The following ACIN1 variants were observed in gnomAD, a reference collection of about 807,000 sequenced individuals.
ACIN1 encodes apoptotic chromatin condensation inducer in the nucleus.
Under a neutral mutation model 146.6 loss-of-function variants are expected in ACIN1, and 16 were observed. The observed-to-expected ratio is 0.11, with a 90% CI of 0.07 to 0.17. ACIN1 has a LOEUF of 0.17. Among genes scored for constraint, ACIN1 ranks in the 10% least tolerant of loss-of-function variants. The pLI, the probability that ACIN1 is intolerant of heterozygous loss-of-function variation, is 1.00. For synonymous variants in ACIN1, 569 were observed against 582.7 expected (o/e 0.98, Z 0.34); for missense variants, 1,357 against 1,609.3 (o/e 0.84, Z 2.68).
At position 23,080,450 on chromosome 14, in the gene ACIN1, G is replaced by A. The variant is rs772098332; in HGVS notation, c.885C>T (p.Ala295=). Residue 295 remains alanine (A), a synonymous_variant, in exon 6 of 19, where the codon GCC becomes GCT. Transcript: ENST00000605057. The part of the protein sequence containing the change: ...SQEEARKSHL[A]RQQQEKEMKT... The stretch of plus-strand genomic sequence containing the variant: ...TCATTTCCTTCTCCTGCTGCTGTCT[G>A]GCCAGATGACTTTTTCTAGCCTCTT... The A allele has an allele frequency of 6.2e-7, 1 of 1,614,128 alleles. No individual in the cohort carries two copies. The highest frequency in any genetic ancestry group is 2.2e-5 in the East Asian group (1 of 44,880).
intron 4 of ACIN1, among the ~76,000 whole-genome samples, chr14:23,085,628 G>T (rs115525739): frequency 1.3e-5 from 2 of 152,126 alleles, no homozygotes; most frequent in Non-Finnish European, 2.9e-5. Context: ...AACTGGAGGC[G>T]CCTCAGACAT....
intron 18 of ACIN1, among the ~76,000 whole-genome samples, chr14:23,059,996 C>T (rs1418754694): frequency 7.0e-5 from 9 of 129,448 alleles, no homozygotes; most frequent in African/African-American, 2.7e-4. Context: ...CTCACTCTGT[C>T]GCCCAGGCTG....
At chr14:23,071,063 A>G in intron 8 of ACIN1, 1 of 1,485,816 alleles carries the variant, frequency 6.7e-7, no homozygotes. Flanking sequence ...GAGGAAGAGA[A>G]GGAAGACGAA....
intron 1 of ACIN1, 33 bp from the exon 2 acceptor site, chr14:23,093,577 T>G (rs757828487): frequency 6.3e-7 from 1 of 1,594,960 alleles, no homozygotes; most frequent in Non-Finnish European, 8.6e-7. Flanking sequence ...TCAGAAATGA[T>G]GAGGAAAAAA....
chr14:23,083,158 A>C (rs764488627), intron 4 of ACIN1, among the ~76,000 whole-genome samples: 6 of 152,060 alleles, frequency 3.9e-5, no homozygotes, highest in Non-Finnish European at 8.8e-5. Context: ...GTTTCACTCA[A>C]ATTCCATGAA....
intron 18 of ACIN1, among the ~76,000 whole-genome samples, chr14:23,059,858 T>A (rs1046338367): frequency 1.3e-4 from 15 of 113,900 alleles, no homozygotes; most frequent in Non-Finnish European, 2.0e-4. Flanking sequence ...GCTTCACCGT[T>A]GTTAGCCAGG....
chr14:23,093,647 C>T, intron 1 of ACIN1, 103 bp from the exon 2 acceptor site: 1 of 940,914 alleles, frequency 1.1e-6, no homozygotes, highest in South Asian at 1.4e-5. Context: ...GACTTAAATA[C>T]ACACAATTAA....
intron 10 of ACIN1, 84 bp from the exon 11 acceptor site, chr14:23,064,572 G>A: frequency 6.5e-7 from 1 of 1,530,736 alleles, no homozygotes; most frequent in Non-Finnish European, 8.8e-7. Context: ...GTTACCTCTG[G>A]CTGGAGTTTT....
chr14:23,059,716 C>T (rs536092687), intron 18 of ACIN1, among the ~76,000 whole-genome samples: 1 of 150,774 alleles, frequency 6.6e-6, no homozygotes, highest in Non-Finnish European at 1.5e-5. Context: ...TGCAGTGGCA[C>T]GATCTCGGCT....
At position 23,059,335 on chromosome 14, in the gene ACIN1, C is replaced by A; in HGVS notation, c.3665G>T (p.Arg1222Leu). The change falls in exon 19 of 19, where the codon CGT (arginine) becomes CTT (leucine). Residue 1222 changes from arginine to leucine, a missense_variant. By Grantham distance (102) the Arg-to-Leu change is moderately radical. This residue lies in a region of ACIN1 where 509 missense variants were observed against 719.6 expected (regional missense o/e 0.71). Coordinates refer to ENST00000605057, the MANE Select transcript of ACIN1 (RefSeq NM_001386863.1). The part of the protein sequence containing the change: ...ERNRQLEREK[R>L]REHSRERDRE... Reference sequence around the variant, plus strand: ...GTCCCTCTCCCGACTGTGCTCCCGACGTTTCTCTCGCTCCAGCTGTCGGTT... The same window carrying A: ...GTCCCTCTCCCGACTGTGCTCCCGAAGTTTCTCTCGCTCCAGCTGTCGGTT... 1 of 1,606,516 alleles carries A rather than the reference C, an allele frequency of 6.2e-7. No homozygotes were observed. Among genetic ancestry groups the A allele is most frequent in the Non-Finnish European group, 8.5e-7 (1 of 1,173,072 alleles).
intron 4 of ACIN1, among the ~76,000 whole-genome samples, chr14:23,088,955 C>T (rs866650644): frequency 6.6e-6 from 1 of 152,186 alleles, no homozygotes; most frequent in Non-Finnish European, 1.5e-5. Context: ...TCAAAGTATA[C>T]TGACTTAGAC....
chr14:23,068,172 T>A lies in ACIN1; in HGVS notation c.2265+1304A>T. 1 of 985,762 alleles carries A rather than the reference T, an allele frequency of 1.0e-6. No individual in the cohort carries two copies. Among genetic ancestry groups the A allele is most frequent in the Non-Finnish European group, 1.2e-6 (1 of 829,930 alleles). 61.1% of individuals were successfully genotyped at this position (985,762 alleles called of 1,614,324 possible). A position where few individuals can be genotyped will look rare whatever the true frequency, so the allele number is the denominator to read the frequency against. On this transcript the variant is annotated intron_variant, in intron 9 of 18. Coordinates refer to ENST00000605057, the MANE Select transcript of ACIN1 (RefSeq NM_001386863.1). This position sits in a 1 kb window ranked among gnomAD's most constrained non-coding sequence, Gnocchi z 4.3. ...TCAGACCCTAGACTCCTCTGCACGG[T>A]TCCTAGTCGTCACAGCTTAAGTAGA...
chr14:23,091,815 G>GCCCC (rs1270174644), intron 2 of ACIN1, among the ~76,000 whole-genome samples: 16 of 152,000 alleles, frequency 1.1e-4, no homozygotes, highest in Non-Finnish European at 1.3e-4. Context: ...GTATAGACGG[G>GCCCC]GTTTTGCCAT....
At chr14:23,082,880 C>T (rs2047984094) in intron 4 of ACIN1, among the ~76,000 whole-genome samples, 1 of 151,742 alleles carries the variant, frequency 6.6e-6, no homozygotes, top group Non-Finnish European at 1.5e-5. Flanking sequence ...GCTGGGACTG[C>T]AGGCGCACGC....
chr14:23,085,507 TG>T (rs2048068617), intron 4 of ACIN1, among the ~76,000 whole-genome samples: 1 of 152,258 alleles, frequency 6.6e-6, no homozygotes, highest in South Asian at 2.1e-4. Flanking sequence ...ATAGGATTTC[TG>T]GATGATTACT....
At chr14:23,073,080 C>T (rs535327685) in intron 8 of ACIN1, among the ~76,000 whole-genome samples, 3 of 152,328 alleles carry the variant, frequency 2.0e-5, no homozygotes, top group Admixed American at 2.0e-4. Context: ...CATCTGATGC[C>T]ACCTCTGGGG....
rs757956788 is a variant in ACIN1, at chr14:23,059,134, T to C, written c.*14A>G. The C allele has an allele frequency of 1.9e-6, 3 of 1,611,752 alleles. No homozygotes were observed. Among genetic ancestry groups the C allele is most frequent in the South Asian group, 1.1e-5 (1 of 91,008 alleles). The stretch of plus-strand genomic sequence containing the variant: ...GCCGAGTGGCTGGTACCTGCAGCTC[T>C]AGTGTTTTCCCAGCTAGCGGCGCCC... On this transcript the variant is annotated 3_prime_UTR_variant, in exon 19 of 19. Transcript: ENST00000605057.
At chr14:23,079,202 T>C (rs980189216) in intron 6 of ACIN1, among the ~76,000 whole-genome samples, 164 bp from the exon 7 acceptor site, 1 of 152,224 alleles carries the variant, frequency 6.6e-6, no homozygotes, top group African/African-American at 2.4e-5. Flanking sequence ...AGTGGTCTCC[T>C]TGACCACTTA....
chr14:23,069,652 G>GGGGGCC, intron 8 of ACIN1, 35 bp from the exon 9 acceptor site: 1 of 577,970 alleles, frequency 1.7e-6, no homozygotes, highest in Non-Finnish European at 3.3e-6. Context: ...GGGGGGGCGG[G>GGGGGCC]CAGAAAAGAA....
Sources: gnomAD v4.1 joint callset for allele counts (sites outside exome capture counted in the v4.1 genomes callset) on GRCh38, gnomAD v4.1.1 for gene constraint, gnomAD v4.1.1 regional missense constraint, Gnocchi (gnomAD v3.1) non-coding constraint, MANE v1.5 for transcripts, NCBI Gene and HGNC (gene_info 2026-07-23, HGNC 2026-07-21) for gene names.